Variants in TBL1X observed in about 807,000 individuals in gnomAD.
TBL1X encodes the protein F-box-like/WD repeat-containing protein TBL1X.
In TBL1X, 10 loss-of-function variants were observed where a neutral mutation model predicts 50.7. The observed-to-expected ratio is 0.20, with a 90% CI of 0.12 to 0.33. The LOEUF (loss-of-function observed/expected upper bound fraction) is 0.33, where lower values mean the gene tolerates loss of function less well. Among genes scored for constraint, TBL1X ranks in the 10% least tolerant of loss-of-function variants. TBL1X has a pLI of 1.00. For missense variants in TBL1X, 340 were observed against 504.4 expected (o/e 0.67, Z 3.12); for synonymous variants, 190 against 214.7 (o/e 0.88, Z 1.01).
intron 12 of TBL1X, among the ~76,000 whole-genome samples, chrX:9,702,499 G>A (rs1330905557): frequency 1.9e-5 from 2 of 105,058 alleles, no homozygotes; most frequent in Non-Finnish European, 3.9e-5. Flanking sequence ...CCAGCTACTC[G>A]AGAGACTGAG....
At chrX:9,519,207 A>T (rs762151599) in intron 2 of TBL1X, among the ~76,000 whole-genome samples, 2 of 111,733 alleles carry the variant, frequency 1.8e-5, no homozygotes, top group Non-Finnish European at 3.8e-5. Context: ...TTGCCACCAT[A>T]TGGTATACTT....
chrX:9,707,802 C>T (rs2083218585), intron 13 of TBL1X, among the ~76,000 whole-genome samples: 2 of 112,187 alleles, frequency 1.8e-5, no homozygotes, highest in Admixed American at 9.4e-5. Context: ...CCCCTCCACC[C>T]TCCCGGGCTC....
intron 9 of TBL1X, 78 bp downstream of exon 9, chrX:9,692,332 G>T: frequency 1.8e-6 from 2 of 1,111,088 alleles, no homozygotes; most frequent in Non-Finnish European, 2.4e-6. Context: ...CAGCAATGGA[G>T]CCCATGCAGA....
intron 2 of TBL1X, among the ~76,000 whole-genome samples, chrX:9,534,706 C>G (rs922075403): frequency 9.0e-5 from 10 of 111,334 alleles, no homozygotes; most frequent in African/African-American, 3.3e-4. Flanking sequence ...TGGTACCTCC[C>G]TTAATAGGAT....
At chrX:9,569,133 T>C (rs1339750985) in intron 2 of TBL1X, among the ~76,000 whole-genome samples, 3 of 101,127 alleles carry the variant, frequency 3.0e-5, no homozygotes, top group Admixed American at 1.1e-4. Context: ...CTGTGTGCGT[T>C]GTGTCTATCT....
intron 2 of TBL1X, among the ~76,000 whole-genome samples, chrX:9,631,835 C>T (rs1288969253): frequency 1.8e-5 from 2 of 112,671 alleles, no homozygotes; most frequent in African/African-American, 3.2e-5. Context: ...ATTTTCCATC[C>T]GAAGTTTTTC....
chrX:9,557,581 G>A (rs758880287), intron 2 of TBL1X, among the ~76,000 whole-genome samples: 63 of 111,557 alleles, frequency 5.6e-4, no homozygotes, highest in Admixed American at 5.1e-3. Context: ...CCTGGACTTC[G>A]GAGTAAAGGG....
intron 2 of TBL1X, among the ~76,000 whole-genome samples, chrX:9,563,744 T>A (rs1158048125): frequency 8.9e-6 from 1 of 112,551 alleles, no homozygotes; most frequent in Non-Finnish European, 1.9e-5. Flanking sequence ...GCAGAAAGTT[T>A]TATTGGACAG....
At chrX:9,645,803 G>A (rs767036975) in intron 3 of TBL1X, among the ~76,000 whole-genome samples, 12 of 111,982 alleles carry the variant, frequency 1.1e-4, no homozygotes, top group African/African-American at 3.9e-4. Context: ...CTTTTCCTCT[G>A]TATGTGTTTT....
intron 1 of TBL1X, among the ~76,000 whole-genome samples, chrX:9,498,471 G>A (rs1182602657): frequency 1.8e-5 from 2 of 112,460 alleles, no homozygotes; most frequent in African/African-American, 6.5e-5. Context: ...TTCCCTGACA[G>A]CTCCTTGATA....
At chrX:9,582,265 A>G (rs1360972228) in intron 2 of TBL1X, among the ~76,000 whole-genome samples, 1 of 112,081 alleles carries the variant, frequency 8.9e-6, no homozygotes, top group Non-Finnish European at 1.9e-5. Context: ...TTACGGTCAT[A>G]TCCTTGGACT....
At chrX:9,672,999 TC>T (rs1319638778) in intron 5 of TBL1X, among the ~76,000 whole-genome samples, 1 of 111,915 alleles carries the variant, frequency 8.9e-6, no homozygotes, top group African/African-American at 3.3e-5. Context: ...TGGCGCCTTC[TC>T]CCTGTGTCCT....
intron 2 of TBL1X, among the ~76,000 whole-genome samples, chrX:9,608,826 G>T (rs2082597216): frequency 8.9e-6 from 1 of 112,263 alleles, no homozygotes; most frequent in Non-Finnish European, 1.9e-5. Flanking sequence ...CAGGTAGGCA[G>T]CTGAGGTGGG....
At chrX:9,696,097 A>G (rs1383165658) in intron 11 of TBL1X, among the ~76,000 whole-genome samples, 1 of 112,860 alleles carries the variant, frequency 8.9e-6, no homozygotes, top group African/African-American at 3.2e-5. Flanking sequence ...AAATGTTTGC[A>G]TAACTGTTTT....
At chrX:9,710,893 T>A (rs1008636918) in intron 15 of TBL1X, among the ~76,000 whole-genome samples, 2 of 112,526 alleles carry the variant, frequency 1.8e-5, no homozygotes, top group African/African-American at 6.5e-5. Context: ...AAAAGTTTTT[T>A]AAATGTTTAT....
intron 5 of TBL1X, among the ~76,000 whole-genome samples, chrX:9,667,549 A>G (rs1269410692): frequency 1.8e-5 from 2 of 112,446 alleles, no homozygotes; most frequent in Non-Finnish European, 3.8e-5. Flanking sequence ...AAGATTATAT[A>G]GATTTGTTTA....
At chrX:9,711,292 T>G (rs1472895154) in intron 15 of TBL1X, among the ~76,000 whole-genome samples, 2 of 104,920 alleles carry the variant, frequency 1.9e-5, no homozygotes, top group Non-Finnish European at 3.9e-5. Context: ...CAGTGAGTCA[T>G]GATCACGCCA....
At chrX:9,704,478 G>A (rs111372317) in intron 12 of TBL1X, among the ~76,000 whole-genome samples, 3,074 of 111,583 alleles carry the variant, frequency 0.028, 45 homozygotes, top group Middle Eastern at 0.055. Context: ...GAAGTGTCAC[G>A]GAGCCTCTCT....
intron 1 of TBL1X, among the ~76,000 whole-genome samples, chrX:9,472,781 T>C (rs969079853): frequency 9.1e-6 from 1 of 109,767 alleles, no homozygotes; most frequent in Non-Finnish European, 1.9e-5. Context: ...GGCATGGTGG[T>C]GGGCGCCTAT....
Sources: gnomAD v4.1 joint callset for allele counts (sites outside exome capture counted in the v4.1 genomes callset) on GRCh38, gnomAD v4.1.1 for gene constraint, MANE v1.5 for transcripts, NCBI Gene and HGNC (gene_info 2026-07-23, HGNC 2026-07-21) for gene names.